TUFM: variants seen among roughly 807,000 people sequenced by gnomAD.
TUFM encodes the protein elongation factor Tu, mitochondrial.
TUFM carries 23 observed loss-of-function variants against 45.0 expected under a neutral mutation model. The ratio of observed to expected loss-of-function variants is 0.51; its 90% CI spans 0.37 to 0.72. TUFM has a LOEUF of 0.72. TUFM is among the 30% of genes least tolerant of loss of function. The pLI, the probability that TUFM is intolerant of heterozygous loss-of-function variation, is 0.00. For synonymous variants in TUFM, 243 were observed against 252.9 expected, an observed-to-expected ratio of 0.96 and a Z score of 0.37; for missense variants, 490 against 610.7, an observed-to-expected ratio of 0.80 and a Z score of 2.08.
chr16:28,843,048 C>T lies in TUFM; in HGVS notation c.1295G>A (p.Arg432Gln), dbSNP rs1233129055. 8.1e-6 allele frequency: 13 copies of T among 1,614,074 alleles called. No individual in the cohort carries two copies. Among genetic ancestry groups the T allele is most frequent in the African/African-American group, 1.3e-5 (1 of 74,916 alleles). ...GQRFTLRDGN[R>Q]TIGTGLVTNT... ...GGTGACTAGACCGGTGCCAATAGTCCGGTTGCCATCTCGCAGGGTGAAACG... is the reference window on the plus strand; with the variant it reads ...GGTGACTAGACCGGTGCCAATAGTCTGGTTGCCATCTCGCAGGGTGAAACG... The change falls in exon 10 of 10, where the codon CGG (arginine) becomes CAG (glutamine). Residue 432 changes from arginine to glutamine, a missense_variant. Transcript: ENST00000313511.
Position 28,842,916 on chromosome 16 carries a change from G to A in TUFM, c.*59C>T, listed in dbSNP as rs565030775. 6.2e-7 allele frequency: 1 copy of A among 1,604,204 alleles called. No homozygotes were observed. On this transcript the variant is annotated 3_prime_UTR_variant, in exon 10 of 10. Coordinates refer to ENST00000313511, the MANE Select transcript of TUFM (RefSeq NM_003321.5). ...CCATGAGAGGGTACTGGAAGCAGGA[G>A]GGAGCCCTGGCTAGGGCAGGCCTTA...
rs1487635353 is a variant in TUFM at position 28,845,395 on chromosome 16, G to C, written c.333C>G (p.Ile111Met). 1 of 1,614,118 alleles carries C rather than the reference G, an allele frequency of 6.2e-7. No individual in the cohort carries two copies. Among genetic ancestry groups the C allele is most frequent in the African/African-American group, 1.3e-5 (1 of 75,020 alleles). The change falls in exon 3 of 10, where the codon ATC becomes ATG. Residue 111 changes from isoleucine to methionine, a missense_variant. Physicochemically the swap from Ile to Met is conservative, Grantham distance 10. Coordinates refer to ENST00000313511, the MANE Select transcript of TUFM (RefSeq NM_003321.5). Reference protein sequence around the residue: ...APEERARGITINAAHVEYSTA... With the variant: ...APEERARGITMNAAHVEYSTA... The stretch of plus-strand genomic sequence containing the variant: ...TGCTATACTCCACATGAGCCGCATT[G>C]ATGGTGATACCCCGAGCTCGCTCCT...
Position 28,844,620 on chromosome 16 carries a change from C to G in TUFM, c.685-69G>C. 1 of 1,613,616 alleles carries G rather than the reference C, an allele frequency of 6.2e-7. No individual in the cohort carries two copies. Among genetic ancestry groups the G allele is most frequent in the Admixed American group, 1.7e-5 (1 of 60,024 alleles). On this transcript the variant is annotated intron_variant, in intron 5 of 9. Transcript: ENST00000313511. The surrounding 1 kb of genome is among the most constrained non-coding windows in gnomAD (Gnocchi z 5.8). ...TCCCTCGATTATCAAGAGCCACTTC[C>G]CAGACACAAAGCAGAGCTCTGGGTG...
intron 2 of TUFM, among the ~76,000 whole-genome samples, 163 bp downstream of exon 2, chr16:28,845,749 C>A (rs537581584): frequency 6.6e-6 from 1 of 152,276 alleles, no homozygotes; most frequent in Admixed American, 6.5e-5. Flanking sequence ...TCTTCCTGTT[C>A]AGGAGAAATT....
chr16:28,842,991 T>G lies in TUFM; in HGVS notation c.1352A>C (p.Asn451Thr), dbSNP rs750600549. The stretch of plus-strand genomic sequence containing the variant: ...TCTGCACACTCAACCCCATTTGATA[T>G]TCTTCTCCTCCTCAGTCATGGCCAG... Reference protein sequence around the residue: ...NTLAMTEEEKNIKWG With the variant: ...NTLAMTEEEKTIKWG The change falls in exon 10 of 10, where the codon AAT becomes ACT. Residue 451 changes from asparagine to threonine, a missense_variant. Coordinates refer to ENST00000313511, the MANE Select transcript of TUFM (RefSeq NM_003321.5). 4 of 1,614,186 alleles carry G rather than the reference T, an allele frequency of 2.5e-6. No homozygotes were observed. The Admixed American group carries it at 5.0e-5, about 20-fold the overall frequency.
chr16:28,846,232 G>T lies in TUFM; in HGVS notation c.38C>A (p.Thr13Lys), dbSNP rs776310936. The T allele has an allele frequency of 6.4e-7, 1 of 1,572,802 alleles. No homozygotes were observed. Among genetic ancestry groups the T allele is most frequent in the Admixed American group, 1.9e-5 (1 of 53,312 alleles). ...TMAAATLLRA[T>K]PHFSGLAAGR... ...TGACCACTCACCGCTGAAGTGGGGC[G>T]TCGCGCGCAGCAGGGTGGCGGCCGC... Residue 13 changes from threonine to lysine, a missense_variant, in exon 1 of 10, where the codon ACG (threonine) becomes AAG (lysine). Coordinates refer to ENST00000313511, the MANE Select transcript of TUFM (RefSeq NM_003321.5).
rs553358911 is a variant in TUFM, at chr16:28,846,017, C to T, written c.142G>A (p.Val48Met). 6.1e-5 allele frequency: 98 copies of T among 1,613,806 alleles called. 1 individual carries two copies. Among genetic ancestry groups the T allele is most frequent in the Non-Finnish European group, 7.4e-5 (87 of 1,179,986 alleles). Reference protein sequence around the residue: ...ALPLLCRGLAVEAKKTYVRDK... With the variant: ...ALPLLCRGLAMEAKKTYVRDK... Reference sequence around the variant, plus strand: ...CGCACGTAAGTCTTCTTGGCCTCCACGGCCAGGCCGCGGCACAAGAGAGGC... The same window carrying T: ...CGCACGTAAGTCTTCTTGGCCTCCATGGCCAGGCCGCGGCACAAGAGAGGC... The change falls in exon 2 of 10, where the codon GTG becomes ATG. Residue 48 changes from valine to methionine, a missense_variant. Val to Met is a conservative substitution (Grantham distance 21). Coordinates refer to ENST00000313511, the MANE Select transcript of TUFM (RefSeq NM_003321.5).
chr16:28,845,592 A>C (rs1961925696), intron 2 of TUFM, 112 bp from the exon 3 acceptor site: 2 of 1,313,356 alleles, frequency 1.5e-6, no homozygotes, highest in Non-Finnish European at 2.2e-6. Context: ...CCAATCTCTA[A>C]CTCTTCCAGC....
chr16:28,845,736 A>C (rs1961932182), intron 2 of TUFM, among the ~76,000 whole-genome samples, 176 bp downstream of exon 2: 1 of 152,178 alleles, frequency 6.6e-6, no homozygotes, highest in South Asian at 2.1e-4. Flanking sequence ...TGGATCACAA[A>C]GTTCTTCCTG....
At chr16:28,845,842 T>C (rs774914311) in intron 2 of TUFM, 70 bp downstream of exon 2, 1 of 1,587,466 alleles carries the variant, frequency 6.3e-7, no homozygotes, top group Non-Finnish European at 8.6e-7. Context: ...GACACTCTGC[T>C]GGCCTTGCCT....
At chr16:28,845,093 G>C in intron 3 of TUFM, 38 bp from the exon 4 acceptor site, 2 of 1,606,686 alleles carry the variant, frequency 1.2e-6, no homozygotes, top group Non-Finnish European at 1.7e-6. Context: ...CAAGTTCAAC[G>C]AGCTCTTCAG....
At position 28,843,847 on chromosome 16, in the gene TUFM, G is replaced by A. The variant is rs201440115; in HGVS notation, c.1083C>T (p.Ile361=). 9 of 1,614,172 alleles carry A rather than the reference G, an allele frequency of 5.6e-6. No individual in the cohort carries two copies. The highest frequency in any genetic ancestry group is 1.7e-5 in the Admixed American group (1 of 60,012). Residue 361 remains isoleucine, a synonymous_variant, in exon 9 of 10, where the codon ATC becomes ATT. Transcript: ENST00000313511. ...GGCGGCCACCTTCCTCCTTGCTGAG[G>A]ATGTAAACCTGGAGGAGAGCAAGCA... The part of the protein sequence containing the change: ...PHQKVEAQVY[I]LSKEEGGRHK...
chr16:28,844,555 T>C lies in TUFM; in HGVS notation c.685-4A>G. 5.0e-6 allele frequency: 8 copies of C among 1,613,522 alleles called. No homozygotes were observed. The highest frequency in any genetic ancestry group is 1.1e-5 in the South Asian group (1 of 91,074). On this transcript the variant is annotated splice_region_variant and splice_polypyrimidine_tract_variant and intron_variant, in intron 5 of 9. Coordinates refer to ENST00000313511, the MANE Select transcript of TUFM (RefSeq NM_003321.5). This position sits in a 1 kb window ranked among gnomAD's most constrained non-coding sequence, Gnocchi z 5.8. The stretch of plus-strand genomic sequence containing the variant: ...GGCCTAACTCAGGGTCCCGACCCTG[T>C]TGAGGGGAAGTGCCAGGACTCTGAA...
In TUFM at chr16:28,842,695, G is replaced by A. The variant is rs1409399930; in HGVS notation, c.*280C>T. The A allele has an allele frequency of 4.1e-6, 2 of 486,506 alleles. No individual in the cohort carries two copies. The highest frequency in any genetic ancestry group is 7.6e-6 in the Non-Finnish European group (2 of 264,478). 30.1% of individuals were successfully genotyped at this position (486,506 alleles called of 1,614,324 possible). ...GATTTATCCGTTAAAACTGCTCTGGGATCTCACAAGCTCCCCATCTGTCTG... is the reference window on the plus strand; with the variant it reads ...GATTTATCCGTTAAAACTGCTCTGGAATCTCACAAGCTCCCCATCTGTCTG... On this transcript the variant is annotated 3_prime_UTR_variant, in exon 10 of 10. Coordinates refer to ENST00000313511, the MANE Select transcript of TUFM (RefSeq NM_003321.5).
At position 28,844,558 on chromosome 16, in the gene TUFM, A is replaced by G. The variant is rs1282798970; in HGVS notation, c.685-7T>C. 3.1e-6 allele frequency: 5 copies of G among 1,613,380 alleles called. No individual in the cohort carries two copies. The highest frequency in any genetic ancestry group is 4.2e-6 in the Non-Finnish European group (5 of 1,179,990). ...CTAACTCAGGGTCCCGACCCTGTTG[A>G]GGGGAAGTGCCAGGACTCTGAAATC... On this transcript the variant is annotated splice_region_variant and splice_polypyrimidine_tract_variant and intron_variant, in intron 5 of 9. Transcript: ENST00000313511. This position sits in a 1 kb window ranked among gnomAD's most constrained non-coding sequence, Gnocchi z 5.8.
chr16:28,846,050 G>C lies in TUFM; in HGVS notation c.109C>G (p.Pro37Ala). 6.2e-7 allele frequency: 1 copy of C among 1,613,730 alleles called. No homozygotes were observed. The part of the protein sequence containing the change: ...LQGLLRLLKA[P>A]ALPLLCRGLA... ...CCGCGGCACAAGAGAGGCAATGCCG[G>C]GGCTTTCAGCAGCCGCAACAGACCC... The change falls in exon 2 of 10, where the codon CCG (proline) becomes GCG (alanine). Residue 37 changes from proline (P) to alanine (A), a missense_variant. Pro to Ala is a conservative substitution (Grantham distance 27). Transcript: ENST00000313511.
rs771771263 is a variant in TUFM, at chr16:28,844,093, T to C, written c.931A>G (p.Met311Val). ...GCCCTCTCCAGGCTCTTGTGGAACA[T>C]CTCAATGCCTAGGACGGAAAGGGAA... ...NIRTVVTGIE[M>V]FHKSLERAEA... Residue 311 changes from methionine to valine, a missense_variant, in exon 8 of 10, where the codon ATG becomes GTG. Coordinates refer to ENST00000313511, the MANE Select transcript of TUFM (RefSeq NM_003321.5). This position sits in a 1 kb window ranked among gnomAD's most constrained non-coding sequence, Gnocchi z 5.8. 4 of 1,613,996 alleles carry C rather than the reference T, an allele frequency of 2.5e-6. No homozygotes were observed. In the East Asian group the frequency reaches 8.9e-5, roughly 36 times the overall value.
At position 28,842,775 on chromosome 16, in the gene TUFM, C is replaced by G; in HGVS notation, c.*200G>C. The G allele has an allele frequency of 2.9e-6, 2 of 692,748 alleles. No homozygotes were observed. Among genetic ancestry groups the G allele is most frequent in the South Asian group, 3.3e-5 (2 of 61,026 alleles). The allele number at this position is 692,748 out of a possible 1,614,324, so 42.9% of individuals were successfully genotyped here. On this transcript the variant is annotated 3_prime_UTR_variant, in exon 10 of 10. Coordinates refer to ENST00000313511, the MANE Select transcript of TUFM (RefSeq NM_003321.5). ...TCCTCTCCAATTTGCACAAAGGACACAGGACACAGGCTGGCTTACTATTCA... is the reference window on the plus strand; with the variant it reads ...TCCTCTCCAATTTGCACAAAGGACAGAGGACACAGGCTGGCTTACTATTCA...
chr16:28,845,694 TC>T (rs1299486431), intron 2 of TUFM, among the ~76,000 whole-genome samples: 1 of 152,080 alleles, frequency 6.6e-6, no homozygotes, highest in Non-Finnish European at 1.5e-5. Flanking sequence ...TGCAGAGCAT[TC>T]CCCACGACTT....
Sources: allele counts gnomAD v4.1 joint callset (sites outside exome capture counted in the v4.1 genomes callset), GRCh38; gene constraint gnomAD v4.1.1; non-coding constraint Gnocchi (gnomAD v3.1); transcripts MANE v1.5; gene names NCBI Gene and HGNC (gene_info 2026-07-23, HGNC 2026-07-21).